The following PEBP4 variants were observed in gnomAD, a reference collection of about 807,000 sequenced individuals.
PEBP4 encodes phosphatidylethanolamine-binding protein 4.
PEBP4 carries 22 observed loss-of-function variants against 23.9 expected under a neutral mutation model. The observed-to-expected ratio is 0.92, with a 90% CI of 0.66 to 1.31. The LOEUF is 1.31. Among genes scored for constraint, PEBP4 ranks in the 40% most tolerant of loss-of-function variants. The probability of loss-of-function intolerance (pLI) is 0.00; values close to 1 mark genes in which losing one functional copy is unlikely to be tolerated. For synonymous variants in PEBP4, 112 were observed against 99.3 expected (o/e 1.13, Z -0.76); for missense variants, 324 against 281.7 (o/e 1.15, Z -1.07).
At chr8:22,781,598 A>G (rs1317965108) in intron 4 of PEBP4, among the ~76,000 whole-genome samples, 2 of 152,060 alleles carry the variant, frequency 1.3e-5, no homozygotes, top group Non-Finnish European at 2.9e-5. Context: ...GGGCGGGGGT[A>G]GGAGTTCCCT....
intron 4 of PEBP4, among the ~76,000 whole-genome samples, chr8:22,769,171 C>T (rs567169892): frequency 2.7e-4 from 41 of 152,218 alleles, no homozygotes; most frequent in Non-Finnish European, 5.1e-4. Context: ...AGCTTGGCCT[C>T]AGTGCCCCTC....
chr8:22,883,005 C>G (rs1434766909), intron 3 of PEBP4, among the ~76,000 whole-genome samples: 1 of 152,190 alleles, frequency 6.6e-6, no homozygotes, highest in Non-Finnish European at 1.5e-5. Flanking sequence ...GGGGTATCCC[C>G]CATGTGGCCC....
At chr8:22,741,331 G>A (rs958753060) in intron 4 of PEBP4, among the ~76,000 whole-genome samples, 18 of 152,230 alleles carry the variant, frequency 1.2e-4, no homozygotes, top group African/African-American at 4.1e-4. Context: ...CTGAGCCAAC[G>A]GAAGAGTGAA....
chr8:22,836,040 T>TGGGGGCTC (rs2128764837), intron 3 of PEBP4, among the ~76,000 whole-genome samples: 1 of 152,186 alleles, frequency 6.6e-6, no homozygotes, highest in South Asian at 2.1e-4. Context: ...AATGGAAAAA[T>TGGGGGCTC]GGGGGCTCAG....
intron 3 of PEBP4, among the ~76,000 whole-genome samples, chr8:22,905,777 C>T (rs1036628209): frequency 6.6e-6 from 1 of 152,192 alleles, no homozygotes; most frequent in Non-Finnish European, 1.5e-5. Context: ...CCACGGGGCC[C>T]TGGGATGTTG....
intron 2 of PEBP4, among the ~76,000 whole-genome samples, chr8:22,922,088 C>G (rs1453941365): frequency 6.6e-6 from 1 of 152,226 alleles, no homozygotes; most frequent in African/African-American, 2.4e-5. Context: ...CACAGAGCCA[C>G]AGAGAGTGCC....
At chr8:22,776,338 C>T (rs1329165954) in intron 4 of PEBP4, among the ~76,000 whole-genome samples, 1 of 152,128 alleles carries the variant, frequency 6.6e-6, no homozygotes, top group African/African-American at 2.4e-5. Context: ...TTCTGTAGGG[C>T]ACAGAGGCCA....
At chr8:22,803,923 C>G (rs997712626) in intron 4 of PEBP4, among the ~76,000 whole-genome samples, 1 of 152,182 alleles carries the variant, frequency 6.6e-6, no homozygotes, top group Non-Finnish European at 1.5e-5. Flanking sequence ...CTCTCCATGG[C>G]CACGGCTCTT....
chr8:22,919,794 G>A (rs1392857273), intron 3 of PEBP4, among the ~76,000 whole-genome samples: 5 of 152,248 alleles, frequency 3.3e-5, no homozygotes, highest in Middle Eastern at 3.4e-3. Context: ...CAGGCACCCC[G>A]CGCCTTGAGA....
chr8:22,727,338 G>T lies in PEBP4; in HGVS notation c.358-118C>A. 17 of 1,000,410 alleles carry T rather than the reference G, an allele frequency of 1.7e-5. No individual in the cohort carries two copies. The South Asian group carries it at 1.9e-4, about 11-fold the overall frequency. 62.0% of individuals were successfully genotyped at this position (1,000,410 alleles called of 1,614,324 possible). A position where few individuals can be genotyped will look rare whatever the true frequency, so the allele number is the denominator to read the frequency against. ...GAGGATGGGAGAGGAAGGAGGATGG[G>T]AGAAGAAGTAGGATGGGAGAGGAGG... On this transcript the variant is annotated intron_variant, in intron 4 of 6. Transcript: ENST00000256404.
intron 4 of PEBP4, among the ~76,000 whole-genome samples, chr8:22,789,249 TGTCA>T (rs1186858483): frequency 1.3e-5 from 2 of 152,188 alleles, no homozygotes; most frequent in African/African-American, 4.8e-5. Context: ...GAGAGTAGGC[TGTCA>T]GTGAGTCAAG....
intron 4 of PEBP4, among the ~76,000 whole-genome samples, chr8:22,803,524 T>C (rs1166807587): frequency 6.6e-6 from 1 of 151,864 alleles, no homozygotes; most frequent in East Asian, 1.9e-4. Flanking sequence ...ATTAGCCAAG[T>C]GTGGTGCTGC....
chr8:22,801,845 C>T (rs1400633682), intron 4 of PEBP4, among the ~76,000 whole-genome samples: 2 of 152,150 alleles, frequency 1.3e-5, no homozygotes, highest in Non-Finnish European at 2.9e-5. Flanking sequence ...CTTGTGAAAA[C>T]TCCACCACTC....
intron 3 of PEBP4, among the ~76,000 whole-genome samples, chr8:22,850,934 C>T (rs187297476): frequency 2.6e-5 from 4 of 152,140 alleles, no homozygotes; most frequent in Non-Finnish European, 5.9e-5. Context: ...GGAAAAGAAA[C>T]GGGCTTGTTG....
intron 4 of PEBP4, among the ~76,000 whole-genome samples, chr8:22,784,722 C>G (rs1805994431): frequency 6.6e-6 from 1 of 152,220 alleles, no homozygotes; most frequent in African/African-American, 2.4e-5. Context: ...TTAAATGAAA[C>G]AGAAGCATCC....
chr8:22,875,788 A>C (rs986988729), intron 3 of PEBP4, among the ~76,000 whole-genome samples: 2 of 151,984 alleles, frequency 1.3e-5, no homozygotes, highest in East Asian at 3.9e-4. Context: ...GCGAAGTCTC[A>C]AGCCACACTT....
At chr8:22,713,569 G>A in intron 6 of PEBP4, 33 bp from the exon 7 acceptor site, 1 of 1,613,798 alleles carries the variant, frequency 6.2e-7, no homozygotes, top group Non-Finnish European at 8.5e-7. Context: ...GGGAGGCAGT[G>A]AGAAAGAGCC....
At chr8:22,841,523 G>A (rs1370210248) in intron 3 of PEBP4, among the ~76,000 whole-genome samples, 1 of 152,196 alleles carries the variant, frequency 6.6e-6, no homozygotes, top group Non-Finnish European at 1.5e-5. Flanking sequence ...TTTCTTTTGG[G>A]TTCAACTCTA....
chr8:22,779,106 A>T (rs1005371376), intron 4 of PEBP4, among the ~76,000 whole-genome samples: 2 of 151,650 alleles, frequency 1.3e-5, no homozygotes, highest in Non-Finnish European at 2.9e-5. Context: ...GGGTTTCCTC[A>T]CCAAGTCAGC....
Sources: gnomAD v4.1 joint callset for allele counts (sites outside exome capture counted in the v4.1 genomes callset) on GRCh38, gnomAD v4.1.1 for gene constraint, MANE v1.5 for transcripts, NCBI Gene and HGNC (gene_info 2026-07-23, HGNC 2026-07-21) for gene names.